ANO6: variants seen among roughly 807,000 people sequenced by gnomAD.
ANO6 encodes the protein anoctamin 6, also known as anoctamin-6.
A neutral mutation model predicts 117.5 loss-of-function variants in ANO6; 106 were observed. The ratio of observed to expected loss-of-function variants is 0.90; its 90% CI spans 0.77 to 1.06. The LOEUF is 1.06. Among genes scored for constraint, ANO6 ranks in the 50% least tolerant of loss-of-function variants. The pLI, the probability that ANO6 is intolerant of heterozygous loss-of-function variation, is 0.00. For missense variants in ANO6, 955 were observed against 1,121.1 expected (o/e 0.85, Z 2.12); for synonymous variants, 367 against 385.1 (o/e 0.95, Z 0.55).
intron 1 of ANO6, among the ~76,000 whole-genome samples, chr12:45,222,176 C>T (rs375741928): frequency 5.6e-5 from 8 of 143,664 alleles, no homozygotes; most frequent in Admixed American, 7.0e-5. Flanking sequence ...CCACCACGCC[C>T]GGCCCCCCCA....
intron 9 of ANO6, among the ~76,000 whole-genome samples, chr12:45,372,380 G>A (rs372131046): frequency 4.2e-4 from 59 of 140,460 alleles, no homozygotes; most frequent in Non-Finnish European, 6.9e-4. Context: ...GATACTCCTC[G>A]AGAAGAGCAA....
intron 3 of ANO6, among the ~76,000 whole-genome samples, chr12:45,340,459 C>T (rs1940949563): frequency 6.6e-6 from 1 of 151,970 alleles, no homozygotes; most frequent in Non-Finnish European, 1.5e-5. Context: ...TGAATTTGCT[C>T]CCATAGAGAT....
Position 45,421,190 on chromosome 12 carries a change from T to G in ANO6, c.2337T>G (p.Thr779=). Residue 779 remains threonine (T), a synonymous_variant, in exon 18 of 20, where the codon ACT becomes ACG. Coordinates refer to ENST00000320560, the MANE Select transcript of ANO6 (RefSeq NM_001025356.3). The part of the protein sequence containing the change: ...SYTMEGYINN[T]LSIFKVADFK... ...CCATGGAAGGGTACATCAACAACAC[T>G]CTCTCCATCTTCAAAGTCGCAGACT... The G allele has an allele frequency of 6.2e-7, 1 of 1,614,064 alleles. No homozygotes were observed. Among genetic ancestry groups the G allele is most frequent in the Non-Finnish European group, 8.5e-7 (1 of 1,180,006 alleles).
At chr12:45,248,315 C>T (rs2137181413) in intron 1 of ANO6, among the ~76,000 whole-genome samples, 1 of 152,236 alleles carries the variant, frequency 6.6e-6, no homozygotes, top group South Asian at 2.1e-4. Context: ...CTTCCATTGC[C>T]CTGCCCCACT....
At chr12:45,402,551 G>A (rs1942820258) in intron 13 of ANO6, among the ~76,000 whole-genome samples, 2 of 152,148 alleles carry the variant, frequency 1.3e-5, no homozygotes, top group Admixed American at 6.5e-5. Flanking sequence ...CGTCTGAGTC[G>A]TTCCCTGAAT....
chr12:45,345,539 G>A (rs114957704), intron 3 of ANO6, among the ~76,000 whole-genome samples: 32 of 152,248 alleles, frequency 2.1e-4, no homozygotes, highest in African/African-American at 6.7e-4. Context: ...TCCACCCAGC[G>A]TTTTCAGCTG....
At chr12:45,262,576 C>T (rs1447905720) in intron 1 of ANO6, among the ~76,000 whole-genome samples, 3 of 152,092 alleles carry the variant, frequency 2.0e-5, no homozygotes, top group Admixed American at 6.5e-5. Flanking sequence ...AGGTGTGTGC[C>T]ACCACACCTG....
chr12:45,393,837 T>C (rs1018177180), intron 12 of ANO6, among the ~76,000 whole-genome samples: 2 of 152,140 alleles, frequency 1.3e-5, no homozygotes, highest in Non-Finnish European at 2.9e-5. Context: ...CAAGAGCTCC[T>C]GAAACAAGCA....
chr12:45,307,342 A>G (rs1459614101), intron 2 of ANO6, among the ~76,000 whole-genome samples: 1 of 152,144 alleles, frequency 6.6e-6, no homozygotes, highest in Non-Finnish European at 1.5e-5. Context: ...ATAGAGAGAC[A>G]TACTCAAATT....
intron 15 of ANO6, among the ~76,000 whole-genome samples, chr12:45,404,136 T>TAG (rs1369168369): frequency 5.3e-5 from 8 of 152,194 alleles, no homozygotes; most frequent in Admixed American, 1.3e-4. Flanking sequence ...CTTTTAAGAA[T>TAG]AGAGGTTCTT....
intron 1 of ANO6, among the ~76,000 whole-genome samples, chr12:45,293,426 G>A (rs943625912): frequency 1.3e-5 from 2 of 152,066 alleles, no homozygotes; most frequent in East Asian, 3.9e-4. Context: ...GTGGTGGGTA[G>A]TTGTCAAAAA....
At chr12:45,286,709 C>T (rs1280433837) in intron 1 of ANO6, among the ~76,000 whole-genome samples, 4 of 152,188 alleles carry the variant, frequency 2.6e-5, no homozygotes, top group Admixed American at 2.6e-4. Flanking sequence ...TTTTTCCCCT[C>T]TCATTTGCAA....
chr12:45,408,851 C>T lies in ANO6; in HGVS notation c.1881-506C>T, dbSNP rs536378059. Among the ~76,000 whole-genome samples the T allele has an allele frequency of 3.3e-5, 5 of 152,222 alleles. No homozygotes were observed. In the South Asian group the frequency reaches 6.2e-4, roughly 19 times the overall value. On this transcript the variant is annotated intron_variant, in intron 15 of 19. Coordinates refer to ENST00000320560, the MANE Select transcript of ANO6 (RefSeq NM_001025356.3). ...CCTGGGACTTCTTCCCCCAGGTTTC[C>T]CACTCCTTTGTCTCCTTCACATCCT...
At chr12:45,243,122 G>C (rs1487190450) in intron 1 of ANO6, among the ~76,000 whole-genome samples, 1 of 152,156 alleles carries the variant, frequency 6.6e-6, no homozygotes, top group Non-Finnish European at 1.5e-5. Context: ...TTCAAGACCA[G>C]CCTAGGCAAT....
chr12:45,309,411 A>C (rs189347120), intron 2 of ANO6, among the ~76,000 whole-genome samples: 11 of 152,226 alleles, frequency 7.2e-5, no homozygotes, highest in Admixed American at 6.5e-4. Flanking sequence ...TTGAGGAGTA[A>C]TGGTCTGGAA....
At chr12:45,243,365 A>G (rs1438733482) in intron 1 of ANO6, among the ~76,000 whole-genome samples, 1 of 152,082 alleles carries the variant, frequency 6.6e-6, no homozygotes, top group Non-Finnish European at 1.5e-5. Context: ...TGAAGTCCAA[A>G]TGAACTTACT....
chr12:45,406,559 C>T (rs916220369), intron 15 of ANO6, among the ~76,000 whole-genome samples: 1 of 151,850 alleles, frequency 6.6e-6, no homozygotes, highest in Non-Finnish European at 1.5e-5. Flanking sequence ...AACATAAACG[C>T]CTCTTCTTAT....
chr12:45,318,110 AG>A (rs1940117435), intron 2 of ANO6, among the ~76,000 whole-genome samples: 1 of 152,180 alleles, frequency 6.6e-6, no homozygotes, highest in Non-Finnish European at 1.5e-5. Flanking sequence ...TTTGCTGTGC[AG>A]AAGCTCTTTA....
At chr12:45,235,478 C>T (rs955755460) in intron 1 of ANO6, among the ~76,000 whole-genome samples, 1 of 152,110 alleles carries the variant, frequency 6.6e-6, no homozygotes, top group African/African-American at 2.4e-5. Flanking sequence ...AAACCACCTC[C>T]TGGGCATAAT....
Sources: allele counts gnomAD v4.1 joint callset (sites outside exome capture counted in the v4.1 genomes callset), GRCh38; gene constraint gnomAD v4.1.1; transcripts MANE v1.5; gene names NCBI Gene and HGNC (gene_info 2026-07-23, HGNC 2026-07-21).